The following FUT8 variants were observed in gnomAD, a reference collection of about 807,000 sequenced individuals.
FUT8 encodes fucosyltransferase 8.
FUT8 carries 29 observed loss-of-function variants against 71.3 expected under a neutral mutation model. The ratio of observed to expected loss-of-function variants is 0.41; its 90% CI spans 0.30 to 0.55. The LOEUF is 0.55. Ranked by LOEUF, FUT8 falls within the 20% of genes least tolerant of loss-of-function variation. FUT8 has a pLI of 0.34. For synonymous variants in FUT8, 254 were observed against 239.3 expected (o/e 1.06, Z -0.57); for missense variants, 544 against 702.1 (o/e 0.77, Z 2.55).
Position 65,655,177 on chromosome 14 carries a change from AAGAT to A in FUT8, c.598-14062_598-14059del, listed in dbSNP as rs149406601. On this transcript the variant is annotated intron_variant, in intron 6 of 10. Coordinates refer to ENST00000673929, the MANE Select transcript of FUT8 (RefSeq NM_001371533.1). ...CACCATGCAAACAATAATCAAAAGA[AAGAT>A]AGAATGACTGGGCTGGGCACGGTTG... 5.7e-3 allele frequency among the ~76,000 whole-genome samples: 864 copies of A among 152,090 alleles called. 28 individuals are homozygous for A. The East Asian group carries it at 0.091, about 16-fold the overall frequency.
chr14:65,411,889 G>A (rs2065129762), upstream of FUT8: 1 of 372,076 alleles, frequency 2.7e-6, no homozygotes, highest in African/African-American at 2.1e-5. Flanking sequence ...CTGGGGCGGC[G>A]CGCTCCGGTC....
At chr14:65,738,369 A>G (rs1896328476) in intron 10 of FUT8, among the ~76,000 whole-genome samples, 1 of 152,066 alleles carries the variant, frequency 6.6e-6, no homozygotes, top group Non-Finnish European at 1.5e-5. Flanking sequence ...ATGTAAACTC[A>G]GGCTACTTCT....
In FUT8 at chr14:65,670,411, T is replaced by G. The variant is rs117383348; in HGVS notation, c.835+931T>G. On this transcript the variant is annotated intron_variant, in intron 7 of 10. Coordinates refer to ENST00000673929, the MANE Select transcript of FUT8 (RefSeq NM_001371533.1). ...ATATGTAATGCACTTAGTACTGATA[T>G]ATGAACTTATATCTAGTAATTTTTA... 2.2e-3 allele frequency among the ~76,000 whole-genome samples: 328 copies of G among 152,292 alleles called. 5 individuals carry two copies. The highest frequency in any genetic ancestry group is 1.1e-3 in the Non-Finnish European group (74 of 68,010).
At chr14:65,693,344 A>T (rs1281691443) in intron 7 of FUT8, among the ~76,000 whole-genome samples, 1 of 152,182 alleles carries the variant, frequency 6.6e-6, no homozygotes, top group Non-Finnish European at 1.5e-5. Context: ...GTCTCCACCA[A>T]AAAAATACGA....
intron 2 of FUT8, among the ~76,000 whole-genome samples, chr14:65,545,750 A>G (rs117935162): frequency 0.012 from 1,806 of 151,850 alleles, 15 homozygotes; most frequent in South Asian, 0.023. Flanking sequence ...TTATTCTGAG[A>G]AAAGGTTAGG....
chr14:65,644,258 GT>G (rs1404732029), intron 6 of FUT8, among the ~76,000 whole-genome samples: 2 of 151,840 alleles, frequency 1.3e-5, no homozygotes, highest in Non-Finnish European at 2.9e-5. Flanking sequence ...AATATTAAAT[GT>G]TTACAATTGG....
intron 7 of FUT8, among the ~76,000 whole-genome samples, chr14:65,701,991 A>G (rs192067226): frequency 1.0e-3 from 155 of 152,200 alleles, no homozygotes; most frequent in Non-Finnish European, 1.5e-3. Context: ...TCTGGGTTCA[A>G]CTCCTGTCTC....
chr14:65,361,712 C>T, the FUT8 span, among the ~76,000 whole-genome samples: 5 of 151,794 alleles, frequency 3.3e-5, no homozygotes, highest in South Asian at 2.1e-4. Context: ...TGCTTGAACC[C>T]GGAGGTGGAA....
chr14:65,470,329 C>A (rs1441042874), intron 2 of FUT8, among the ~76,000 whole-genome samples: 1 of 152,212 alleles, frequency 6.6e-6, no homozygotes, highest in Non-Finnish European at 1.5e-5. Context: ...ACTTGGGTAG[C>A]TGCAGCTGTA....
intron 2 of FUT8, among the ~76,000 whole-genome samples, chr14:65,478,243 C>T (rs1278682729): frequency 6.6e-6 from 1 of 152,006 alleles, no homozygotes; most frequent in African/African-American, 2.4e-5. Flanking sequence ...ACAGGAGTCC[C>T]CAAGGCCCCC....
chr14:65,386,903 G>A, the FUT8 span, among the ~76,000 whole-genome samples: 1 of 143,028 alleles, frequency 7.0e-6, no homozygotes, highest in African/African-American at 2.6e-5. Flanking sequence ...GTGCAGTGGT[G>A]CGATCTCAGC....
intron 7 of FUT8, among the ~76,000 whole-genome samples, chr14:65,686,821 T>TA (rs1262566369): frequency 6.6e-6 from 1 of 152,208 alleles, no homozygotes; most frequent in Non-Finnish European, 1.5e-5. Context: ...ATGTCAATAT[T>TA]AACCAGAAAA....
intron 1 of FUT8, among the ~76,000 whole-genome samples, chr14:65,453,677 T>G (rs1360114987): frequency 1.3e-5 from 2 of 152,192 alleles, no homozygotes; most frequent in Non-Finnish European, 2.9e-5. Flanking sequence ...GTCTCCAAGC[T>G]CAGTGTCAGC....
At chr14:65,658,558 T>A (rs1428849711) in intron 6 of FUT8, among the ~76,000 whole-genome samples, 1 of 152,156 alleles carries the variant, frequency 6.6e-6, no homozygotes. Context: ...AACTGTGATA[T>A]AATCCACATA....
chr14:65,587,213 T>G (rs1272937941), intron 3 of FUT8, among the ~76,000 whole-genome samples: 1 of 151,160 alleles, frequency 6.6e-6, no homozygotes, highest in South Asian at 2.1e-4. Flanking sequence ...CAAAAAAAAC[T>G]AATTTTTACA....
intron 2 of FUT8, among the ~76,000 whole-genome samples, chr14:65,526,064 G>C (rs915885771): frequency 1.2e-4 from 19 of 152,306 alleles, no homozygotes; most frequent in Admixed American, 1.0e-3. Context: ...GAGTTCTGTA[G>C]ATGTCTATTA....
chr14:65,654,100 C>T (rs149984001), intron 6 of FUT8, among the ~76,000 whole-genome samples: 8 of 152,168 alleles, frequency 5.3e-5, no homozygotes, highest in African/African-American at 1.7e-4. Flanking sequence ...GGGTAAGAAG[C>T]AAAATTTTTT....
chr14:65,378,635 T>A, the FUT8 span, among the ~76,000 whole-genome samples: 2,392 of 152,210 alleles, frequency 0.016, 49 homozygotes, highest in East Asian at 0.093. Context: ...TCTGTTCCAC[T>A]TTAAAGTTTC....
At chr14:65,599,636 G>C (rs1319210730) in intron 3 of FUT8, among the ~76,000 whole-genome samples, 2 of 152,056 alleles carry the variant, frequency 1.3e-5, no homozygotes, top group Non-Finnish European at 2.9e-5. Context: ...GATACTCTTT[G>C]GTATGCAAGG....
Sources: allele counts gnomAD v4.1 joint callset (sites outside exome capture counted in the v4.1 genomes callset), GRCh38; gene constraint gnomAD v4.1.1; transcripts MANE v1.5; gene names NCBI Gene and HGNC (gene_info 2026-07-23, HGNC 2026-07-21).